Variants in MALRD1 observed in about 807,000 individuals in gnomAD.
MALRD1 encodes MAM and LDL receptor class A domain containing 1.
MALRD1 carries 247 observed loss-of-function variants against 242.1 expected under a neutral mutation model. That is an observed-to-expected ratio of 1.02 (90% CI 0.92 to 1.13). The LOEUF (loss-of-function observed/expected upper bound fraction) is 1.13. Among genes scored for constraint, MALRD1 ranks in the 50% most tolerant of loss-of-function variants. The probability of loss-of-function intolerance (pLI) is 0.00; values close to 1 mark genes in which losing one functional copy is unlikely to be tolerated. For synonymous variants in MALRD1, 995 were observed against 866.6 expected, an observed-to-expected ratio of 1.15 and a Z score of -2.60; for missense variants, 2,989 against 2,533.1, an observed-to-expected ratio of 1.18 and a Z score of -3.86.
intron 18 of MALRD1, among the ~76,000 whole-genome samples, chr10:19,243,263 G>A (rs1270830270): frequency 1.3e-5 from 2 of 151,796 alleles, no homozygotes; most frequent in African/African-American, 4.8e-5. Flanking sequence ...TTTATGAATG[G>A]TAGACTCCAT....
intron 23 of MALRD1, 21 bp from the exon 24 acceptor site, chr10:19,331,342 TTAACTG>T (rs1429636584): frequency 1.3e-6 from 2 of 1,536,354 alleles, no homozygotes; most frequent in South Asian, 1.2e-5. Context: ...GATTGACAGT[TTAACTG>T]TAACTGGCTT....
intron 24 of MALRD1, among the ~76,000 whole-genome samples, chr10:19,331,932 C>G (rs35117531): frequency 0.13 from 20,078 of 152,070 alleles, 1,356 homozygotes; most frequent in South Asian, 0.15. Flanking sequence ...GTGGCGTGAT[C>G]TCGGTTCACT....
chr10:19,221,701 T>C (rs2131666235), intron 18 of MALRD1, among the ~76,000 whole-genome samples: 1 of 152,252 alleles, frequency 6.6e-6, no homozygotes, highest in East Asian at 1.9e-4. Flanking sequence ...GTTAGACTTG[T>C]CATGATTTCC....
intron 32 of MALRD1, among the ~76,000 whole-genome samples, chr10:19,545,022 C>G (rs1835149466): frequency 6.6e-6 from 1 of 152,128 alleles, no homozygotes; most frequent in East Asian, 1.9e-4. Context: ...AAATGTATTT[C>G]CTTATAATCA....
intron 21 of MALRD1, among the ~76,000 whole-genome samples, chr10:19,293,326 C>A (rs1841538610): frequency 1.3e-5 from 2 of 152,082 alleles, no homozygotes; most frequent in Non-Finnish European, 2.9e-5. Flanking sequence ...TAGTTATTTT[C>A]TTTTAACTGT....
At chr10:19,567,468 A>T in intron 32 of MALRD1, 34 bp from the exon 33 acceptor site, 1 of 1,528,924 alleles carries the variant, frequency 6.5e-7, no homozygotes, top group Non-Finnish European at 8.9e-7. Flanking sequence ...CTAATATCCA[A>T]TCATAAAAAG....
rs1485184621 is a variant in MALRD1, at chr10:19,091,764, T to C, written c.597+3579T>C. 3.2e-5 allele frequency among the ~76,000 whole-genome samples: 3 copies of C among 92,650 alleles called. 1 individual carries two copies. Among genetic ancestry groups the C allele is most frequent in the East Asian group, 3.2e-4 (1 of 3,152 alleles). 60.8% of individuals were successfully genotyped at this position (92,650 alleles called of 152,430 possible). A position where few individuals can be genotyped will look rare whatever the true frequency, so the allele number is the denominator to read the frequency against. On this transcript the variant is annotated intron_variant, in intron 4 of 39. Coordinates refer to ENST00000454679, the MANE Select transcript of MALRD1 (RefSeq NM_001142308.3). ...TTCCCTGTACACACTGCTTTGAATG[T>C]GTCCCAGAGATTCTGGTATGTGGTG...
intron 28 of MALRD1, among the ~76,000 whole-genome samples, chr10:19,401,449 T>A (rs1238171542): frequency 6.6e-6 from 1 of 152,122 alleles, no homozygotes; most frequent in Non-Finnish European, 1.5e-5. Context: ...AGTAATCGAA[T>A]TGAAAACTAA....
intron 25 of MALRD1, among the ~76,000 whole-genome samples, chr10:19,350,429 C>T (rs1457049903): frequency 6.6e-6 from 1 of 151,798 alleles, no homozygotes; most frequent in African/African-American, 2.4e-5. Context: ...CACCACCACT[C>T]CTAGCTGTTT....
chr10:19,699,032 G>T lies in MALRD1; in HGVS notation c.6314+6478G>T, dbSNP rs143096763. 3.7e-3 allele frequency among the ~76,000 whole-genome samples: 570 copies of T among 152,092 alleles called. 4 individuals are homozygous for T. The highest frequency in any genetic ancestry group is 0.014 in the South Asian group (66 of 4,808). ...ACAGGGAGGGGATATCACACACCGG[G>T]GCCTGTTGGGGGGTGAGGGACAAGG... is the stretch of plus-strand genomic sequence containing the variant. On this transcript the variant is annotated intron_variant, in intron 38 of 39. Coordinates refer to ENST00000454679, the MANE Select transcript of MALRD1 (RefSeq NM_001142308.3).
rs1564567362 is a variant in MALRD1, at chr10:19,719,219, CATACATATATATATATAT to C, written c.6315-11483_6315-11466del. Among the ~76,000 whole-genome samples, 90 of 30,334 alleles carry C rather than the reference CATACATATATATATATAT, an allele frequency of 3.0e-3. 2 individuals carry two copies. Among genetic ancestry groups the C allele is most frequent in the African/African-American group, 6.1e-3 (84 of 13,704 alleles). The allele number at this position is 30,334 out of a possible 152,430, so 19.9% of individuals were successfully genotyped here. ...ACATATATATATATATATACACATA[CATACATATATATATATAT>C]ATATATATATATATATATATATGCT... On this transcript the variant is annotated intron_variant, in intron 38 of 39. Transcript: ENST00000454679.
At chr10:19,208,556 T>C (rs983382419) in intron 17 of MALRD1, among the ~76,000 whole-genome samples, 1 of 152,148 alleles carries the variant, frequency 6.6e-6, no homozygotes, top group South Asian at 2.1e-4. Context: ...GACTCTAGGA[T>C]CTGGGACGGG....
At chr10:19,139,469 A>G (rs6481759) in intron 10 of MALRD1, among the ~76,000 whole-genome samples, 137,677 of 152,130 alleles carry the variant, frequency 0.9, 62,532 homozygotes, top group East Asian at 1. Flanking sequence ...GAATCTCTAG[A>G]AGGGTATAGC....
At chr10:19,327,150 G>A (rs1187686902) in intron 22 of MALRD1, among the ~76,000 whole-genome samples, 1 of 151,998 alleles carries the variant, frequency 6.6e-6, no homozygotes, top group Non-Finnish European at 1.5e-5. Flanking sequence ...CTGCCTCTCT[G>A]GAACCATCTA....
At chr10:19,228,945 C>T (rs1588729917) in intron 18 of MALRD1, among the ~76,000 whole-genome samples, 2 of 150,636 alleles carry the variant, frequency 1.3e-5, no homozygotes, top group East Asian at 2.0e-4. Flanking sequence ...ATTTACTCAG[C>T]CCCCCCAAAA....
rs558527754 is a variant in MALRD1, at chr10:19,275,532, G to A, written c.3080-4515G>A. 4.3e-3 allele frequency among the ~76,000 whole-genome samples: 651 copies of A among 152,278 alleles called. 3 individuals carry two copies. The highest frequency in any genetic ancestry group is 0.023 in the South Asian group (112 of 4,822). On this transcript the variant is annotated intron_variant, in intron 19 of 39. Coordinates refer to ENST00000454679, the MANE Select transcript of MALRD1 (RefSeq NM_001142308.3). Reference sequence around the variant, plus strand: ...AAATACAAAAAAATTAGCCTGGCGTGGTGGCGGGCGCCTGTAGTCCCCACT... The same window carrying A: ...AAATACAAAAAAATTAGCCTGGCGTAGTGGCGGGCGCCTGTAGTCCCCACT...
chr10:19,269,476 C>T (rs771459336), intron 19 of MALRD1, among the ~76,000 whole-genome samples: 15 of 152,242 alleles, frequency 9.9e-5, no homozygotes, highest in Non-Finnish European at 1.3e-4. Context: ...GACCTCATGT[C>T]CCTTAGAGGA....
At chr10:19,394,589 C>G (rs1289817257) in intron 28 of MALRD1, among the ~76,000 whole-genome samples, 1 of 152,146 alleles carries the variant, frequency 6.6e-6, no homozygotes, top group Non-Finnish European at 1.5e-5. Context: ...CAACTGAATT[C>G]ATGGTAAGCT....
chr10:19,312,253 G>A (rs1224584228), intron 21 of MALRD1, among the ~76,000 whole-genome samples: 6 of 151,102 alleles, frequency 4.0e-5, no homozygotes, highest in Non-Finnish European at 5.9e-5. Flanking sequence ...TTTTTCCATT[G>A]AATGTTTATA....
Sources: gnomAD v4.1 joint callset for allele counts (sites outside exome capture counted in the v4.1 genomes callset) on GRCh38, gnomAD v4.1.1 for gene constraint, MANE v1.5 for transcripts, NCBI Gene and HGNC (gene_info 2026-07-23, HGNC 2026-07-21) for gene names.